The following NSD2 variants were observed in gnomAD, a reference collection of about 807,000 sequenced individuals.
NSD2 encodes the protein nuclear receptor binding SET domain protein 2.
A neutral mutation model predicts 139.0 loss-of-function variants in NSD2; 12 were observed. The ratio of observed to expected loss-of-function variants is 0.09; its 90% confidence interval spans 0.06 to 0.14. NSD2 has a LOEUF of 0.14. Ranked by LOEUF, NSD2 falls within the 10% of genes least tolerant of loss-of-function variation. The probability of loss-of-function intolerance (pLI) is 1.00; values close to 1 mark genes in which losing one functional copy is unlikely to be tolerated. For missense variants in NSD2, 1,155 were observed against 1,745.0 expected (o/e 0.66, Z 6.02); for synonymous variants, 669 against 648.7 (o/e 1.03, Z -0.48).
chr4:1,875,428 T>C (rs374520069), intron 1 of NSD2, among the ~76,000 whole-genome samples: 1 of 151,162 alleles, frequency 6.6e-6, no homozygotes, highest in South Asian at 2.1e-4. Context: ...ACAACAGGCA[T>C]GTGCCACCAT....
At chr4:1,941,179 A>G in intron 9 of NSD2, 3 of 1,054,168 alleles carry the variant, frequency 2.8e-6, no homozygotes, top group Non-Finnish European at 3.4e-6. Context: ...AAATCTTAGA[A>G]AATTAAATGA....
At chr4:1,885,004 G>A (rs1057417055) in intron 1 of NSD2, among the ~76,000 whole-genome samples, 1 of 151,938 alleles carries the variant, frequency 6.6e-6, no homozygotes, top group African/African-American at 2.4e-5. Flanking sequence ...CAGCTACTCA[G>A]GAGGCCGAGG....
At chr4:1,975,640 C>T (rs995306755) in intron 20 of NSD2, 7 of 499,584 alleles carry the variant, frequency 1.4e-5, no homozygotes, top group Middle Eastern at 5.5e-4. Flanking sequence ...CGCGTGGTTT[C>T]GCAGTTCTGG....
At chr4:1,903,987 G>A (rs1301682197) in intron 2 of NSD2, among the ~76,000 whole-genome samples, 1 of 152,152 alleles carries the variant, frequency 6.6e-6, no homozygotes, top group Non-Finnish European at 1.5e-5. Context: ...GCCCACGTTG[G>A]CCTCCCAAAG....
rs190985903 is a variant in NSD2, at chr4:1,956,855, C to T, written c.2881+667C>T. Among the ~76,000 whole-genome samples the T allele has an allele frequency of 4.6e-5, 7 of 152,288 alleles. No individual in the cohort carries two copies. In the East Asian group the frequency reaches 9.6e-4, roughly 21 times the overall value. ...GTGCTGGCTCCTGTGTGACTGCAGG[C>T]GGGGACCCGCGTATTTAAAGCTTGG... On this transcript the variant is annotated intron_variant, in intron 15 of 21. Coordinates refer to ENST00000508803, the MANE Select transcript of NSD2 (RefSeq NM_001042424.3). The surrounding 1 kb of genome is among the most constrained non-coding windows in gnomAD (Gnocchi z 5.3).
chr4:1,939,061 C>T (rs1279890329), intron 8 of NSD2, among the ~76,000 whole-genome samples: 2 of 152,002 alleles, frequency 1.3e-5, no homozygotes, highest in African/African-American at 4.8e-5. Flanking sequence ...CTGTTTGATC[C>T]CTTATTGAAG....
intron 1 of NSD2, among the ~76,000 whole-genome samples, chr4:1,896,863 T>C (rs1716414547): frequency 6.6e-6 from 1 of 151,838 alleles, no homozygotes; most frequent in Admixed American, 6.6e-5. Context: ...TCTCCTTGCC[T>C]TCCCCAACAT....
At chr4:1,978,108 CAG>C (rs1193837176) in intron 21 of NSD2, among the ~76,000 whole-genome samples, 1 of 151,796 alleles carries the variant, frequency 6.6e-6, no homozygotes, top group East Asian at 1.9e-4. Context: ...GCCTGGGCGA[CAG>C]AGCTAGACTC....
intron 6 of NSD2, among the ~76,000 whole-genome samples, chr4:1,934,324 A>G (rs1722043965): frequency 6.6e-6 from 1 of 151,516 alleles, no homozygotes; most frequent in African/African-American, 2.4e-5. Context: ...ACCTCAGGTG[A>G]TCCGCCCACC....
At chr4:1,897,191 A>G (rs1049787209) in intron 1 of NSD2, among the ~76,000 whole-genome samples, 1 of 146,060 alleles carries the variant, frequency 6.8e-6, no homozygotes, top group Non-Finnish European at 1.5e-5. Flanking sequence ...AAAAAAGGAA[A>G]GTGGTTTGGG....
intron 1 of NSD2, among the ~76,000 whole-genome samples, chr4:1,874,597 A>G (rs1430099082): frequency 6.6e-6 from 1 of 152,198 alleles, no homozygotes; most frequent in East Asian, 1.9e-4. Context: ...TTTGTAAGTA[A>G]TGGAGCATCT....
rs772862979 is a variant in NSD2 at position 1,951,205 on chromosome 4, TGAG to T, written c.2013+6_2013+8del. 7.4e-6 allele frequency: 12 copies of T among 1,613,994 alleles called. No individual in the cohort carries two copies. Among genetic ancestry groups the T allele is most frequent in the African/African-American group, 2.7e-5 (2 of 75,020 alleles). On this transcript the variant is annotated splice_donor_5th_base_variant and intron_variant, in intron 10 of 21. Coordinates refer to ENST00000508803, the MANE Select transcript of NSD2 (RefSeq NM_001042424.3). The stretch of plus-strand genomic sequence containing the variant: ...GCCAAAAAGGAGTATGTGTGCCAGG[TGAG>T]GAGAAGGCAGCATCCGCTATGTCCG...
chr4:1,916,726 G>A, intron 3 of NSD2, 145 bp from the exon 4 acceptor site: 3 of 662,654 alleles, frequency 4.5e-6, no homozygotes, highest in Non-Finnish European at 4.9e-6. Flanking sequence ...CATGTGGCAT[G>A]GAAGGGATAA....
chr4:1,967,795 CAAGT>C (rs1726041908), intron 18 of NSD2, among the ~76,000 whole-genome samples: 1 of 152,066 alleles, frequency 6.6e-6, no homozygotes, highest in Non-Finnish European at 1.5e-5. Flanking sequence ...CCAGCCAACT[CAAGT>C]GGTTATACAG....
chr4:1,962,665 C>G (rs539475906), intron 18 of NSD2, among the ~76,000 whole-genome samples: 7 of 151,976 alleles, frequency 4.6e-5, no homozygotes, highest in African/African-American at 1.7e-4. Flanking sequence ...TTTTTTACTC[C>G]TAGGTTTTGT....
In NSD2 at chr4:1,948,943, C is replaced by G. The variant is rs772192753; in HGVS notation, c.1882-2129C>G. ...TGGGTTGGTGGATAGCGCTGGGGCT[C>G]TCTCCCCTGAGCCATGCAGAAGGCC... On this transcript the variant is annotated intron_variant, in intron 9 of 21. Coordinates refer to ENST00000508803, the MANE Select transcript of NSD2 (RefSeq NM_001042424.3). This position sits in a 1 kb window ranked among gnomAD's most constrained non-coding sequence, Gnocchi z 4.5. 1.5e-4 allele frequency: 60 copies of G among 412,206 alleles called. No individual in the cohort carries two copies. The highest frequency in any genetic ancestry group is 8.4e-4 in the East Asian group (9 of 10,692). The allele number at this position is 412,206 out of a possible 1,614,324, so 25.5% of individuals were successfully genotyped here.
rs566688538 is a variant in NSD2, at chr4:1,952,701, C to T, written c.2137+470C>T. ...TTTCAACAGAAAGAACAGCTCCAGG[C>T]TTGTCCTGGGTTGTCAGTGCTGTTG... On this transcript the variant is annotated intron_variant, in intron 11 of 21. Transcript: ENST00000508803. 2.8e-6 allele frequency: 3 copies of T among 1,068,196 alleles called. No individual in the cohort carries two copies. The South Asian group carries it at 1.0e-4, about 37-fold the overall frequency. The allele number at this position is 1,068,196 out of a possible 1,614,324, so 66.2% of individuals were successfully genotyped here. A position where few individuals can be genotyped will look rare whatever the true frequency, so the allele number is the denominator to read the frequency against.
rs1018801461 is a variant in NSD2, at chr4:1,959,498, A to C, written c.3013A>C (p.Ile1005Leu). ...KVNKPYGKVQ[I>L]YTADISEIPK... ...GAATAAGCCTTACGGGAAAGTCCAG[A>C]TCTACACAGCGGATATTTCAGAAAT... is the stretch of plus-strand genomic sequence containing the variant. The change falls in exon 17 of 22, where the codon ATC (isoleucine) becomes CTC (leucine). Residue 1005 changes from isoleucine (I) to leucine (L), a missense_variant. By Grantham distance (5) the Ile-to-Leu change is conservative (BLOSUM62 2). Around this residue, in one of 8 missense-constraint regions of NSD2, gnomAD observed 139 missense variants for 485.8 expected, o/e 0.29. Coordinates refer to ENST00000508803, the MANE Select transcript of NSD2 (RefSeq NM_001042424.3). 6.2e-7 allele frequency: 1 copy of C among 1,614,068 alleles called. No individual in the cohort carries two copies. The highest frequency in any genetic ancestry group is 1.3e-5 in the African/African-American group (1 of 74,932).
At position 1,934,910 on chromosome 4, in the gene NSD2, A is replaced by ATAT. The variant is rs59927644; in HGVS notation, c.1556-234_1556-233insTAT. On this transcript the variant is annotated intron_variant, in intron 6 of 21. Coordinates refer to ENST00000508803, the MANE Select transcript of NSD2 (RefSeq NM_001042424.3). ...ATATATATATATATATATATATATA[A>ATAT]AAAACAGATAAAACAGATGCTAATA... 2.3e-3 allele frequency among the ~76,000 whole-genome samples: 239 copies of ATAT among 106,190 alleles called. 2 individuals are homozygous for ATAT. Among genetic ancestry groups the ATAT allele is most frequent in the African/African-American group, 3.2e-3 (78 of 24,470 alleles). 69.7% of individuals were successfully genotyped at this position (106,190 alleles called of 152,430 possible).
Sources: allele counts gnomAD v4.1 joint callset (sites outside exome capture counted in the v4.1 genomes callset), GRCh38; gene constraint gnomAD v4.1.1; regional missense constraint gnomAD v4.1.1; non-coding constraint Gnocchi (gnomAD v3.1); transcripts MANE v1.5; gene names NCBI Gene and HGNC (gene_info 2026-07-23, HGNC 2026-07-21).